Variants in PRH1 observed in about 807,000 individuals in gnomAD.
The protein encoded by PRH1 is salivary acidic proline-rich phosphoprotein 1/2.
In PRH1, 7 loss-of-function variants were observed where a neutral mutation model predicts 7.9. The ratio of observed to expected loss-of-function variants is 0.89; its 90% CI spans 0.50 to 1.67. The LOEUF (loss-of-function observed/expected upper bound fraction) is 1.67, where lower values mean the gene tolerates loss of function less well. PRH1 is among the 40% of genes most tolerant of loss of function. The pLI, the probability that PRH1 is intolerant of heterozygous loss-of-function variation, is 0.00. For missense variants in PRH1, 109 were observed against 223.6 expected (o/e 0.49, Z 3.27); for synonymous variants, 45 against 80.8 (o/e 0.56, Z 2.38).
intron 1 of PRH1, among the ~76,000 whole-genome samples, chr12:11,066,459 T>C (rs983663171): frequency 5.9e-5 from 9 of 152,002 alleles, no homozygotes; most frequent in African/African-American, 2.2e-4. Flanking sequence ...AATTATTTGC[T>C]TAAGCAATAT....
At chr12:11,025,006 T>A (rs1414607193) in intron 1 of PRH1, among the ~76,000 whole-genome samples, 1 of 150,488 alleles carries the variant, frequency 6.6e-6, no homozygotes, top group East Asian at 2.0e-4. Context: ...ACACACTTAG[T>A]TTTCATTGTC....
chr12:10,953,224 A>G (rs1937776342), intron 2 of PRH1, among the ~76,000 whole-genome samples: 1 of 152,192 alleles, frequency 6.6e-6, no homozygotes, highest in African/African-American at 2.4e-5. Context: ...AAAAAGCCAG[A>G]GTATCTTCTT....
chr12:11,027,814 A>G (rs1256458939), intron 1 of PRH1, among the ~76,000 whole-genome samples: 2 of 152,202 alleles, frequency 1.3e-5, no homozygotes, highest in African/African-American at 4.8e-5. Context: ...TCCCTATGGA[A>G]TTAGTGTAAG....
At chr12:10,889,560 T>C (rs1949541421) in intron 2 of PRH1, among the ~76,000 whole-genome samples, 2 of 152,218 alleles carry the variant, frequency 1.3e-5, no homozygotes, top group Non-Finnish European at 2.9e-5. Flanking sequence ...CTCTTTGCTG[T>C]GTTTGGAAAA....
chr12:11,052,995 G>T (rs1029725977), intron 1 of PRH1, among the ~76,000 whole-genome samples: 1 of 151,876 alleles, frequency 6.6e-6, no homozygotes, highest in Admixed American at 6.6e-5. Context: ...CAACACTTTA[G>T]TCAGAGAATA....
chr12:11,070,443 G>A (rs1156299791), intron 1 of PRH1, among the ~76,000 whole-genome samples: 1 of 148,910 alleles, frequency 6.7e-6, no homozygotes, highest in African/African-American at 2.5e-5. Flanking sequence ...GACCCCAGAA[G>A]TATACCAACA....
chr12:11,099,675 C>T (rs1945175757), intron 1 of PRH1, among the ~76,000 whole-genome samples: 1 of 152,078 alleles, frequency 6.6e-6, no homozygotes, highest in Non-Finnish European at 1.5e-5. Context: ...CCAGCCTGGG[C>T]AACAGAGTGA....
At chr12:10,964,933 CA>C in intron 2 of PRH1, 1 of 602,944 alleles carries the variant, frequency 1.7e-6, no homozygotes, top group Non-Finnish European at 3.0e-6. Context: ...GATGACAAAC[CA>C]AAAATAACAA....
intron 2 of PRH1, among the ~76,000 whole-genome samples, chr12:10,906,280 T>G (rs1949801214): frequency 6.6e-6 from 1 of 152,204 alleles, no homozygotes; most frequent in South Asian, 2.1e-4. Context: ...TGCAAATATT[T>G]ATTCCAACTG....
At chr12:10,944,365 T>G (rs754618918) in intron 2 of PRH1, among the ~76,000 whole-genome samples, 2 of 152,138 alleles carry the variant, frequency 1.3e-5, no homozygotes, top group Non-Finnish European at 2.9e-5. Context: ...CCTTCCTGAT[T>G]TGATTGTTGT....
chr12:11,147,500 A>G (rs1347969366), intron 1 of PRH1, among the ~76,000 whole-genome samples: 1 of 152,190 alleles, frequency 6.6e-6, no homozygotes, highest in Non-Finnish European at 1.5e-5. Context: ...AGAATTTTTT[A>G]AATTTACATA....
intron 2 of PRH1, among the ~76,000 whole-genome samples, chr12:10,972,928 A>ACCCCCC (rs199859766): frequency 9.0e-5 from 9 of 100,378 alleles, no homozygotes; most frequent in South Asian, 6.6e-4. Flanking sequence ...AAGCACCACA[A>ACCCCCC]CCCACCCCCC....
intron 1 of PRH1, among the ~76,000 whole-genome samples, chr12:11,153,815 TGA>T (rs1947174304): frequency 6.6e-6 from 1 of 152,080 alleles, no homozygotes; most frequent in South Asian, 2.1e-4. Flanking sequence ...AACACACACC[TGA>T]GATATATGAG....
chr12:10,882,106 G>C, intron 3 of PRH1, 111 bp downstream of exon 3: 2 of 1,532,334 alleles, frequency 1.3e-6, no homozygotes, highest in South Asian at 2.6e-5. Context: ...TTTTAGAAAT[G>C]TGTTCCAGGA....
intron 1 of PRH1, among the ~76,000 whole-genome samples, chr12:11,105,297 A>G (rs751155717): frequency 6.6e-6 from 1 of 151,882 alleles, no homozygotes; most frequent in Non-Finnish European, 1.5e-5. Context: ...ATTGGTAGTA[A>G]ATTTATCATG....
In PRH1 at chr12:11,095,657, A is replaced by G. The variant is rs979118801; in HGVS notation, n.124-48469T>C. On this transcript the variant is annotated intron_variant and non_coding_transcript_variant, in intron 1 of 4. Coordinates refer to the PRH1 transcript ENST00000541977. ...TGCAACACAGCAAAACTGCCTCTACAATGAATGAAAAAGTTAGTCAGGCAT... is the reference window on the plus strand; with the variant it reads ...TGCAACACAGCAAAACTGCCTCTACGATGAATGAAAAAGTTAGTCAGGCAT... Among the ~76,000 whole-genome samples, 3 of 112,304 alleles carry G rather than the reference A, an allele frequency of 2.7e-5. 1 individual carries two copies. Among genetic ancestry groups the G allele is most frequent in the African/African-American group, 9.1e-5 (3 of 33,076 alleles). The allele number at this position is 112,304 out of a possible 152,430, so 73.7% of individuals were successfully genotyped here.
chr12:10,886,290 G>A (rs1949491076), upstream of PRH1, among the ~76,000 whole-genome samples: 1 of 152,196 alleles, frequency 6.6e-6, no homozygotes, highest in African/African-American at 2.4e-5. Flanking sequence ...GAACAAAGAG[G>A]AGTGCCAGGC....
chr12:11,076,651 C>A (rs796378608), intron 1 of PRH1: 3 of 94,030 alleles, frequency 3.2e-5, no homozygotes, highest in African/African-American at 1.0e-4. Context: ...GGATCATGAT[C>A]ATGTTTTTTC....
chr12:10,977,246 C>G (rs1320634949), intron 1 of PRH1, among the ~76,000 whole-genome samples: 1 of 152,142 alleles, frequency 6.6e-6, no homozygotes, highest in Admixed American at 6.5e-5. Context: ...CACTAACATA[C>G]AAGGTTGTTT....
Sources: allele counts gnomAD v4.1 joint callset (sites outside exome capture counted in the v4.1 genomes callset), GRCh38; gene constraint gnomAD v4.1.1; transcripts MANE v1.5; gene names NCBI Gene and HGNC (gene_info 2026-07-23, HGNC 2026-07-21).